RBFOX1: variants seen among roughly 807,000 people sequenced by gnomAD.
RBFOX1 encodes the protein RNA binding fox-1 homolog 1.
RBFOX1 carries 8 observed loss-of-function variants against 57.7 expected under a neutral mutation model. That is an observed-to-expected ratio of 0.14 (90% CI 0.08 to 0.25). RBFOX1 has a LOEUF of 0.25. Among genes scored for constraint, RBFOX1 ranks in the 10% least tolerant of loss-of-function variants. The pLI is 1.00. For missense variants in RBFOX1, 611 were observed against 548.5 expected (o/e 1.11, Z -1.14); for synonymous variants, 326 against 222.4 (o/e 1.47, Z -4.15).
chr16:7,018,150 T>A (rs980548181), intron 3 of RBFOX1, among the ~76,000 whole-genome samples: 1 of 152,126 alleles, frequency 6.6e-6, no homozygotes, highest in African/African-American at 2.4e-5. Flanking sequence ...AAATCTGTCT[T>A]AAGCCCTTGC....
At chr16:6,647,658 G>A (rs890016029) in intron 2 of RBFOX1, among the ~76,000 whole-genome samples, 8 of 152,080 alleles carry the variant, frequency 5.3e-5, no homozygotes, top group African/African-American at 1.4e-4. Context: ...ATTTTAGGGG[G>A]GACACATACA....
At chr16:5,752,476 A>G (rs1228343784) in intron 3 of RBFOX1, among the ~76,000 whole-genome samples, 1 of 152,238 alleles carries the variant, frequency 6.6e-6, no homozygotes, top group Non-Finnish European at 1.5e-5. Context: ...ATCAACTATT[A>G]AAAGGGCTCC....
At position 7,518,131 on chromosome 16, in the gene RBFOX1, CT is replaced by C. The variant is rs2076772204; in HGVS notation, c.28-11del. On this transcript the variant is annotated splice_polypyrimidine_tract_variant and intron_variant, in intron 4 of 15. Transcript: ENST00000550418. ...CATGACGTTCTCTCCCTCTCTGCACCTTTTTGATTTTTCAGGGTAATCAGGA... is the reference window on the plus strand; with the variant it reads ...CATGACGTTCTCTCCCTCTCTGCACCTTTTGATTTTTCAGGGTAATCAGGA... 1.2e-6 allele frequency: 2 copies of C among 1,604,686 alleles called. No homozygotes were observed. The highest frequency in any genetic ancestry group is 1.7e-6 in the Non-Finnish European group (2 of 1,175,062).
chr16:5,949,382 C>G (rs1014068136), intron 4 of RBFOX1, among the ~76,000 whole-genome samples: 3 of 151,784 alleles, frequency 2.0e-5, no homozygotes, highest in African/African-American at 7.3e-5. Flanking sequence ...AAAAATTAGC[C>G]TGGCATGGTG....
chr16:7,057,314 G>A (rs2153741539), intron 4 of RBFOX1, among the ~76,000 whole-genome samples: 1 of 152,252 alleles, frequency 6.6e-6, no homozygotes, highest in Middle Eastern at 3.4e-3. Context: ...AAGCAGAAAA[G>A]GCATGCAACC....
intron 1 of RBFOX1, among the ~76,000 whole-genome samples, chr16:5,350,938 C>CAT (rs2065249565): frequency 6.6e-6 from 1 of 152,188 alleles, no homozygotes; most frequent in African/African-American, 2.4e-5. Flanking sequence ...AAGAGGAATG[C>CAT]ATGAGCCCAG....
chr16:5,885,115 T>C (rs1341360453), intron 4 of RBFOX1, among the ~76,000 whole-genome samples: 1 of 152,174 alleles, frequency 6.6e-6, no homozygotes, highest in Admixed American at 6.5e-5. Flanking sequence ...CTCCCAGACC[T>C]CTTAACCTTT....
At chr16:7,091,244 C>T (rs922888474) in intron 4 of RBFOX1, among the ~76,000 whole-genome samples, 1 of 151,044 alleles carries the variant, frequency 6.6e-6, no homozygotes, top group East Asian at 2.0e-4. Flanking sequence ...AGTTAAAATA[C>T]TGCAATTTTT....
At chr16:6,640,291 A>AT (rs1277194428) in intron 2 of RBFOX1, among the ~76,000 whole-genome samples, 5 of 152,096 alleles carry the variant, frequency 3.3e-5, no homozygotes, top group Non-Finnish European at 7.4e-5. Context: ...ACTAGGCTAT[A>AT]TTTTTAATTT....
chr16:6,749,486 C>A (rs7199682), intron 3 of RBFOX1, among the ~76,000 whole-genome samples: 2,471 of 152,236 alleles, frequency 0.016, 59 homozygotes, highest in African/African-American at 0.055. Flanking sequence ...ATGTTTTCCC[C>A]ACTTTCCAGA....
chr16:6,294,862 T>G (rs571129926), intron 1 of RBFOX1, among the ~76,000 whole-genome samples: 1 of 152,074 alleles, frequency 6.6e-6, no homozygotes, highest in African/African-American at 2.4e-5. Context: ...TGCTGCACAT[T>G]TACACCGTTC....
intron 4 of RBFOX1, among the ~76,000 whole-genome samples, chr16:7,321,311 A>AT (rs1265974047): frequency 6.6e-6 from 1 of 151,830 alleles, no homozygotes; most frequent in Middle Eastern, 3.2e-3. Flanking sequence ...TACCCGGCTA[A>AT]TTTTTTGTGT....
chr16:6,248,694 A>G (rs997994806), intron 1 of RBFOX1, among the ~76,000 whole-genome samples: 2 of 152,124 alleles, frequency 1.3e-5, no homozygotes, highest in South Asian at 2.1e-4. Context: ...GTGATTTGAT[A>G]TAGAGGTTAA....
chr16:7,600,632 A>G (rs1237921203), intron 9 of RBFOX1, among the ~76,000 whole-genome samples: 1 of 152,234 alleles, frequency 6.6e-6, no homozygotes, highest in Non-Finnish European at 1.5e-5. Flanking sequence ...ATTATAAATT[A>G]CTGGAGCTAT....
intron 3 of RBFOX1, among the ~76,000 whole-genome samples, chr16:5,616,482 A>G (rs2048027585): frequency 6.6e-6 from 1 of 151,696 alleles, no homozygotes; most frequent in Non-Finnish European, 1.5e-5. Context: ...TGATTTTCCC[A>G]CTGAACTGCT....
At chr16:6,412,451 C>T (rs1300230652) in intron 2 of RBFOX1, among the ~76,000 whole-genome samples, 3 of 152,178 alleles carry the variant, frequency 2.0e-5, no homozygotes, top group African/African-American at 7.2e-5. Flanking sequence ...TCACACTATT[C>T]ATGGACCCCT....
intron 2 of RBFOX1, among the ~76,000 whole-genome samples, chr16:6,417,139 G>T (rs550282002): frequency 2.6e-5 from 4 of 151,584 alleles, no homozygotes. Context: ...AGCCTCCCAA[G>T]TAGCTGAGAT....
intron 4 of RBFOX1, among the ~76,000 whole-genome samples, chr16:6,013,136 C>T (rs1253148684): frequency 3.3e-5 from 5 of 152,084 alleles, no homozygotes; most frequent in Admixed American, 2.0e-4. Flanking sequence ...TTGTTTAGCT[C>T]ACATAGTTAT....
intron 6 of RBFOX1, among the ~76,000 whole-genome samples, chr16:7,582,556 A>G (rs2093854739): frequency 1.3e-5 from 2 of 152,206 alleles, no homozygotes; most frequent in South Asian, 4.1e-4. Flanking sequence ...AGTGGCAGGA[A>G]TCACATTGTG....
Sources: allele counts gnomAD v4.1 joint callset (sites outside exome capture counted in the v4.1 genomes callset), GRCh38; gene constraint gnomAD v4.1.1; transcripts MANE v1.5; gene names NCBI Gene and HGNC (gene_info 2026-07-23, HGNC 2026-07-21).